Variants in HCN1 observed in about 807,000 individuals in gnomAD.
HCN1 encodes the protein hyperpolarization activated cyclic nucleotide gated potassium channel 1, also known as potassium/sodium hyperpolarization-activated cyclic nucleotide-gated channel 1.
A neutral mutation model predicts 78.9 loss-of-function variants in HCN1; 13 were observed. The observed-to-expected ratio is 0.16, with a 90% CI of 0.11 to 0.26. HCN1 has a LOEUF of 0.26. Ranked by LOEUF, HCN1 falls within the 10% of genes least tolerant of loss-of-function variation. The pLI, the probability that HCN1 is intolerant of heterozygous loss-of-function variation, is 1.00. For missense variants in HCN1, 810 were observed against 1,154.3 expected (o/e 0.70, Z 4.32); for synonymous variants, 552 against 455.5 (o/e 1.21, Z -2.70).
rs186767490 is a variant in HCN1 at position 45,401,010 on chromosome 5, A to G, written c.1012-4300T>C. 1.4e-4 allele frequency among the ~76,000 whole-genome samples: 21 copies of G among 152,298 alleles called. 1 individual carries two copies. Among genetic ancestry groups the G allele is most frequent in the Admixed American group, 1.2e-3 (18 of 15,290 alleles). On this transcript the variant is annotated intron_variant, in intron 3 of 7. Transcript: ENST00000303230. ...TAGTTTGTTGATCACACCATAGTTA[A>G]TTCAGTCATTTTTTCCATTGTTCTC...
At chr5:45,611,770 A>G (rs1272738343) in intron 2 of HCN1, among the ~76,000 whole-genome samples, 1 of 152,142 alleles carries the variant, frequency 6.6e-6, no homozygotes, top group Non-Finnish European at 1.5e-5. Flanking sequence ...TATCTTTGCT[A>G]AAATTATTCT....
intron 2 of HCN1, among the ~76,000 whole-genome samples, chr5:45,469,466 T>G (rs960872330): frequency 6.6e-6 from 1 of 152,002 alleles, no homozygotes; most frequent in Admixed American, 6.6e-5. Context: ...GTAGACGATA[T>G]TTACAAATTG....
intron 5 of HCN1, among the ~76,000 whole-genome samples, chr5:45,316,440 A>G (rs1745993930): frequency 1.3e-5 from 2 of 152,182 alleles, no homozygotes; most frequent in Non-Finnish European, 1.5e-5. Flanking sequence ...ACTTAAGACA[A>G]ACCCACAGTC....
At chr5:45,289,730 G>A (rs1228429859) in intron 6 of HCN1, among the ~76,000 whole-genome samples, 3 of 152,148 alleles carry the variant, frequency 2.0e-5, no homozygotes, top group South Asian at 2.1e-4. Flanking sequence ...ATTCAGCACT[G>A]TATTAGTTCA....
At chr5:45,631,779 G>T (rs571737196) in intron 2 of HCN1, among the ~76,000 whole-genome samples, 1 of 151,922 alleles carries the variant, frequency 6.6e-6, no homozygotes, top group South Asian at 2.1e-4. Context: ...TTGTTTCTTT[G>T]GAAAAAAATG....
Position 45,693,366 on chromosome 5 carries a change from C to T in HCN1, c.425+2303G>A, listed in dbSNP as rs563839262. Among the ~76,000 whole-genome samples, 49 of 151,720 alleles carry T rather than the reference C, an allele frequency of 3.2e-4. 1 individual carries two copies. The highest frequency in any genetic ancestry group is 1.2e-3 in the African/African-American group (49 of 41,066). On this transcript the variant is annotated intron_variant, in intron 1 of 7. Transcript: ENST00000303230. ...GTATATTGTAATTATGTTTTAAAAT[C>T]TATTTTTTCAGATATCTTTCAGTTT... is the stretch of plus-strand genomic sequence containing the variant.
chr5:45,599,807 A>C (rs1744587268), intron 2 of HCN1, among the ~76,000 whole-genome samples: 1 of 151,660 alleles, frequency 6.6e-6, no homozygotes, highest in Non-Finnish European at 1.5e-5. Flanking sequence ...CACATTGCAC[A>C]CTAGAGTAGC....
At chr5:45,540,718 GT>G (rs1743086602) in intron 2 of HCN1, among the ~76,000 whole-genome samples, 1 of 151,838 alleles carries the variant, frequency 6.6e-6, no homozygotes, top group Non-Finnish European at 1.5e-5. Flanking sequence ...TTCCTTTATT[GT>G]TTGCATTTTT....
intron 6 of HCN1, among the ~76,000 whole-genome samples, chr5:45,287,336 C>G (rs1203819109): frequency 6.6e-6 from 1 of 151,800 alleles, no homozygotes; most frequent in East Asian, 1.9e-4. Context: ...TGAATAAGCT[C>G]CCTCTAATTC....
chr5:45,375,182 T>C (rs1393587906), intron 4 of HCN1, among the ~76,000 whole-genome samples: 1 of 121,282 alleles, frequency 8.2e-6, no homozygotes, highest in Non-Finnish European at 1.6e-5. Context: ...TAATATATAA[T>C]GTATTATATA....
At chr5:45,521,057 G>A (rs1197668671) in intron 2 of HCN1, among the ~76,000 whole-genome samples, 1 of 151,644 alleles carries the variant, frequency 6.6e-6, no homozygotes, top group African/African-American at 2.4e-5. Context: ...TTTAGTAAGA[G>A]ATGACATAGA....
intron 4 of HCN1, among the ~76,000 whole-genome samples, chr5:45,380,777 C>G (rs1747792966): frequency 6.6e-6 from 1 of 152,012 alleles, no homozygotes; most frequent in African/African-American, 2.4e-5. Context: ...TGGCAAAGAA[C>G]TATAAGGAAA....
At chr5:45,591,276 G>T (rs1744359868) in intron 2 of HCN1, among the ~76,000 whole-genome samples, 1 of 152,034 alleles carries the variant, frequency 6.6e-6, no homozygotes, top group Non-Finnish European at 1.5e-5. Flanking sequence ...TAATTCTTTT[G>T]GGTAAATACC....
intron 1 of HCN1, among the ~76,000 whole-genome samples, chr5:45,656,739 T>C (rs1745769737): frequency 6.6e-6 from 1 of 152,146 alleles, no homozygotes; most frequent in Non-Finnish European, 1.5e-5. Flanking sequence ...TCAAATAAAA[T>C]CTCAATTTAA....
chr5:45,345,431 T>G (rs1331497773), intron 5 of HCN1, among the ~76,000 whole-genome samples: 1 of 152,200 alleles, frequency 6.6e-6, no homozygotes, highest in Non-Finnish European at 1.5e-5. Flanking sequence ...GAAAGTGGGC[T>G]TTTTCTTTTC....
intron 2 of HCN1, among the ~76,000 whole-genome samples, chr5:45,540,453 C>T (rs1426726440): frequency 6.6e-6 from 1 of 151,856 alleles, no homozygotes; most frequent in African/African-American, 2.4e-5. Flanking sequence ...CTCAGCCTCC[C>T]AAGTAGTTGG....
chr5:45,452,338 T>G (rs1157582024), intron 3 of HCN1, among the ~76,000 whole-genome samples: 1 of 151,694 alleles, frequency 6.6e-6, no homozygotes, highest in African/African-American at 2.4e-5. Flanking sequence ...TTTTGTTTTT[T>G]TTTTTAGGTT....
intron 3 of HCN1, among the ~76,000 whole-genome samples, chr5:45,413,745 T>C (rs1740067485): frequency 6.6e-6 from 1 of 152,052 alleles, no homozygotes; most frequent in Non-Finnish European, 1.5e-5. Context: ...ATTAGCCATA[T>C]AGGAAAATTT....
intron 2 of HCN1, among the ~76,000 whole-genome samples, chr5:45,552,477 T>C (rs1320471122): frequency 1.3e-5 from 2 of 151,970 alleles, no homozygotes; most frequent in African/African-American, 4.8e-5. Flanking sequence ...ATTATTTTAG[T>C]ATTATTTATT....
Sources: gnomAD v4.1 joint callset for allele counts (sites outside exome capture counted in the v4.1 genomes callset) on GRCh38, gnomAD v4.1.1 for gene constraint, MANE v1.5 for transcripts, NCBI Gene and HGNC (gene_info 2026-07-23, HGNC 2026-07-21) for gene names.